The following NOS1AP variants were observed in gnomAD, a reference collection of about 807,000 sequenced individuals.
The protein encoded by NOS1AP is carboxyl-terminal PDZ ligand of neuronal nitric oxide synthase protein.
A neutral mutation model predicts 56.2 loss-of-function variants in NOS1AP; 21 were observed. The ratio of observed to expected loss-of-function variants is 0.37; its 90% confidence interval spans 0.26 to 0.54. The LOEUF (loss-of-function observed/expected upper bound fraction) is 0.54. NOS1AP is among the 20% of genes least tolerant of loss of function. The pLI, the probability that NOS1AP is intolerant of heterozygous loss-of-function variation, is 0.84. For missense variants in NOS1AP, 522 were observed against 657.8 expected (o/e 0.79, Z 2.26); for synonymous variants, 270 against 274.6 (o/e 0.98, Z 0.17).
At chr1:162,104,160 G>T (rs10800301) in intron 1 of NOS1AP, among the ~76,000 whole-genome samples, 96,108 of 152,038 alleles carry the variant, frequency 0.63, 30,731 homozygotes, top group Non-Finnish European at 0.68. Flanking sequence ...TCTCCTTTGC[G>T]TATGAAGCTT....
At chr1:162,230,256 G>T (rs557103243) in intron 2 of NOS1AP, among the ~76,000 whole-genome samples, 10 of 152,276 alleles carry the variant, frequency 6.6e-5, no homozygotes, top group Non-Finnish European at 1.5e-4. Flanking sequence ...GTATGCTGCT[G>T]GGTCTCCCAT....
At chr1:162,120,402 G>A (rs556589326) in intron 1 of NOS1AP, among the ~76,000 whole-genome samples, 2 of 152,294 alleles carry the variant, frequency 1.3e-5, no homozygotes, top group South Asian at 4.1e-4. Context: ...GAAAGAATTG[G>A]GAACCTGGTG....
chr1:162,331,953 C>G (rs957659754), intron 4 of NOS1AP, among the ~76,000 whole-genome samples: 8 of 152,208 alleles, frequency 5.3e-5, no homozygotes, highest in African/African-American at 1.9e-4. Context: ...CCAGAATGAT[C>G]CTTTAGTTTA....
intron 2 of NOS1AP, among the ~76,000 whole-genome samples, chr1:162,160,529 G>A (rs1650157360): frequency 6.6e-6 from 1 of 152,232 alleles, no homozygotes; most frequent in African/African-American, 2.4e-5. Context: ...GTCTGCACTT[G>A]TGTTTCCTTA....
In NOS1AP at chr1:162,291,379, T is replaced by G. The variant is rs150103802; in HGVS notation, c.270+3943T>G. Among the ~76,000 whole-genome samples the G allele has an allele frequency of 1.6e-3, 239 of 152,320 alleles. 1 individual carries two copies. The highest frequency in any genetic ancestry group is 5.3e-3 in the African/African-American group (221 of 41,562). On this transcript the variant is annotated intron_variant, in intron 3 of 9. Transcript: ENST00000361897. ...ACATTATTTGTGTGTAATAATGTCA[T>G]TAAATTATGAGAAAATAAATACTTA...
At position 162,196,446 on chromosome 1, in the gene NOS1AP, G is replaced by A. The variant is rs749187845; in HGVS notation, c.177+41970G>A. 6.6e-5 allele frequency among the ~76,000 whole-genome samples: 10 copies of A among 152,186 alleles called. No homozygotes were observed. In the South Asian group the frequency reaches 1.0e-3, roughly 16 times the overall value. ...TACAGCAGAGAACTCCGTATGTTGC[G>A]GGGATTTCAGAAGATGTGGTGTGCA... On this transcript the variant is annotated intron_variant, in intron 2 of 9. Transcript: ENST00000361897.
At chr1:162,080,532 C>T (rs1022467416) in intron 1 of NOS1AP, among the ~76,000 whole-genome samples, 1 of 152,194 alleles carries the variant, frequency 6.6e-6, no homozygotes, top group African/African-American at 2.4e-5. Context: ...GGAGCACTCC[C>T]CTAATCCCAC....
chr1:162,162,333 C>T (rs775670734), intron 2 of NOS1AP, among the ~76,000 whole-genome samples: 2 of 152,126 alleles, frequency 1.3e-5, no homozygotes, highest in African/African-American at 4.8e-5. Context: ...TTTTTGCGGT[C>T]GTTGGAATAG....
chr1:162,348,339 A>T (rs1453242714), intron 6 of NOS1AP, among the ~76,000 whole-genome samples: 1 of 152,214 alleles, frequency 6.6e-6, no homozygotes, highest in African/African-American at 2.4e-5. Context: ...TGAGACTGGG[A>T]GGCTGAGCAG....
intron 2 of NOS1AP, among the ~76,000 whole-genome samples, chr1:162,220,437 C>T (rs1160988137): frequency 2.0e-5 from 3 of 151,964 alleles, no homozygotes; most frequent in African/African-American, 4.8e-5. Flanking sequence ...GTCCAGAGTG[C>T]GTATTGGACC....
intron 2 of NOS1AP, among the ~76,000 whole-genome samples, chr1:162,276,070 C>T (rs1032057872): frequency 1.3e-5 from 2 of 152,142 alleles, no homozygotes; most frequent in Non-Finnish European, 2.9e-5. Flanking sequence ...ATAGTTGCAA[C>T]AAAGATCACA....
rs539051767 is a variant in NOS1AP, at chr1:162,363,811, T to C, written c.940-1593T>C. On this transcript the variant is annotated intron_variant, in intron 8 of 9. Coordinates refer to ENST00000361897, the MANE Select transcript of NOS1AP (RefSeq NM_014697.3). Reference sequence around the variant, plus strand: ...TCCCCAGATCTTCTCTCAATTAATATGAGACAAAAAAATGAGTCTGACTTC... The same window carrying C: ...TCCCCAGATCTTCTCTCAATTAATACGAGACAAAAAAATGAGTCTGACTTC... The C allele has an allele frequency of 1.1e-4, 104 of 985,432 alleles. No individual in the cohort carries two copies. The South Asian group carries it at 4.4e-3, about 42-fold the overall frequency. 61.0% of individuals were successfully genotyped at this position (985,432 alleles called of 1,614,324 possible). A position where few individuals can be genotyped will look rare whatever the true frequency, so the allele number is the denominator to read the frequency against.
intron 2 of NOS1AP, among the ~76,000 whole-genome samples, chr1:162,281,738 G>C (rs2101730897): frequency 6.6e-6 from 1 of 152,326 alleles, no homozygotes; most frequent in Non-Finnish European, 1.5e-5. Flanking sequence ...CAGAATTTAA[G>C]TGGACTTGCC....
chr1:162,211,157 G>A (rs1652336786), intron 2 of NOS1AP, among the ~76,000 whole-genome samples: 1 of 152,222 alleles, frequency 6.6e-6, no homozygotes, highest in African/African-American at 2.4e-5. Context: ...CAGGCTTCTT[G>A]GGTCTCTTAT....
rs555007134 is a variant in NOS1AP, at chr1:162,140,413, C to T, written c.106-13992C>T. Among the ~76,000 whole-genome samples the T allele has an allele frequency of 3.3e-5, 5 of 152,296 alleles. No individual in the cohort carries two copies. The East Asian group carries it at 5.8e-4, about 18-fold the overall frequency. The stretch of plus-strand genomic sequence containing the variant: ...AACCTACAATAGTTGGTTTTCTGCT[C>T]CTGTGTTAATTCCCTTAGGAAAATG... On this transcript the variant is annotated intron_variant, in intron 1 of 9. Coordinates refer to ENST00000361897, the MANE Select transcript of NOS1AP (RefSeq NM_014697.3).
At chr1:162,210,351 C>T (rs1652310269) in intron 2 of NOS1AP, among the ~76,000 whole-genome samples, 1 of 152,182 alleles carries the variant, frequency 6.6e-6, no homozygotes, top group Non-Finnish European at 1.5e-5. Context: ...CACTGTGGGC[C>T]TCCCTGACTC....
intron 1 of NOS1AP, among the ~76,000 whole-genome samples, chr1:162,141,122 C>T (rs1439382335): frequency 6.6e-6 from 1 of 151,966 alleles, no homozygotes; most frequent in East Asian, 1.9e-4. Context: ...AGAAAGTGTT[C>T]TGTAATTTTT....
intron 4 of NOS1AP, among the ~76,000 whole-genome samples, chr1:162,304,207 G>T (rs1464019036): frequency 6.6e-6 from 1 of 151,778 alleles, no homozygotes; most frequent in Non-Finnish European, 1.5e-5. Context: ...CCTTCTCTCT[G>T]TTCCTCTCTC....
rs115224120 is a variant in NOS1AP, at chr1:162,249,396, T to C, written c.178-37948T>C. Among the ~76,000 whole-genome samples the C allele has an allele frequency of 6.3e-3, 966 of 152,266 alleles. 11 individuals are homozygous for C. Among genetic ancestry groups the C allele is most frequent in the African/African-American group, 0.021 (875 of 41,554 alleles). ...CACAGATGAGCTGGGTATTTTAGTA[T>C]GGTCACGAAGAGAATCCTGAAAGAG... On this transcript the variant is annotated intron_variant, in intron 2 of 9. Coordinates refer to ENST00000361897, the MANE Select transcript of NOS1AP (RefSeq NM_014697.3).
Sources: gnomAD v4.1 joint callset for allele counts (sites outside exome capture counted in the v4.1 genomes callset) on GRCh38, gnomAD v4.1.1 for gene constraint, MANE v1.5 for transcripts, NCBI Gene and HGNC (gene_info 2026-07-23, HGNC 2026-07-21) for gene names.